The following ZFP37 variants were observed in gnomAD, a reference collection of about 807,000 sequenced individuals.
ZFP37 encodes the protein ZFP37 zinc finger protein, also known as zinc finger protein 37 homolog.
Under a neutral mutation model 52.1 loss-of-function variants are expected in ZFP37, and 38 were observed. The ratio of observed to expected loss-of-function variants is 0.73; its 90% CI spans 0.56 to 0.96. The LOEUF is 0.96. Among genes scored for constraint, ZFP37 ranks in the 40% least tolerant of loss-of-function variants. The pLI is 0.00. For missense variants in ZFP37, 695 were observed against 741.4 expected, an observed-to-expected ratio of 0.94 and a Z score of 0.73; for synonymous variants, 253 against 259.5, an observed-to-expected ratio of 0.98 and a Z score of 0.24.
intron 1 of ZFP37, among the ~76,000 whole-genome samples, chr9:113,053,940 A>T (rs760665370): frequency 3.3e-5 from 5 of 152,166 alleles, no homozygotes; most frequent in Non-Finnish European, 7.4e-5. Flanking sequence ...GAGTTGTCTT[A>T]ATATCATTCA....
At chr9:113,054,658 T>C (rs1223195263) in intron 1 of ZFP37, among the ~76,000 whole-genome samples, 4 of 152,142 alleles carry the variant, frequency 2.6e-5, no homozygotes, top group African/African-American at 9.7e-5. Flanking sequence ...ATTCAGAAAA[T>C]AGAATCACCA....
chr9:113,043,567 A>G lies in ZFP37; in HGVS notation c.1051T>C (p.Cys351Arg). ...CCATGGGCTTTGCCACACTGAATAC[A>G]TTCATATGGTTTTTCTCCGGTGTGA... is the stretch of plus-strand genomic sequence containing the variant. Reference protein sequence around the residue: ...RTHTGEKPYECIQCGKAHGHK... With the variant: ...RTHTGEKPYERIQCGKAHGHK... The change falls in exon 4 of 4, where the codon TGT becomes CGT. Residue 351 changes from cysteine to arginine, a missense_variant. Physicochemically the swap from Cys to Arg is radical, Grantham distance 180. Around this residue, in one of 2 missense-constraint regions of ZFP37, gnomAD observed 326 missense variants for 400.5 expected, o/e 0.81. Transcript: ENST00000374227. The G allele has an allele frequency of 1.2e-6, 2 of 1,614,044 alleles. No individual in the cohort carries two copies. The highest frequency in any genetic ancestry group is 1.7e-6 in the Non-Finnish European group (2 of 1,179,948).
chr9:113,051,005 A>T (rs1310102514), intron 1 of ZFP37, among the ~76,000 whole-genome samples: 3 of 152,128 alleles, frequency 2.0e-5, no homozygotes, highest in Non-Finnish European at 4.4e-5. Context: ...AAAGTTGGGG[A>T]GAAATAGAGG....
Position 113,038,867 on chromosome 9 carries a change from A to C in ZFP37, c.*3858T>G, listed in dbSNP as rs1289029351. On this transcript the variant is annotated 3_prime_UTR_variant, in exon 4 of 4. Transcript: ENST00000374227. Reference sequence around the variant, plus strand: ...GGTCATGTGACTCATTTCTGGTCAAAAGATATGAGCACATTCTTCTAGAAG... The same window carrying C: ...GGTCATGTGACTCATTTCTGGTCAACAGATATGAGCACATTCTTCTAGAAG... 1 of 152,150 alleles carries C rather than the reference A, an allele frequency of 6.6e-6. No homozygotes were observed. Among genetic ancestry groups the C allele is most frequent in the Non-Finnish European group, 1.5e-5 (1 of 68,026 alleles). The allele number at this position is 152,150 out of a possible 1,614,324, so 9.4% of individuals were successfully genotyped here. A position where few individuals can be genotyped will look rare whatever the true frequency, so the allele number is the denominator to read the frequency against.
chr9:113,048,293 G>C (rs74440969), intron 3 of ZFP37, among the ~76,000 whole-genome samples: 2 of 152,134 alleles, frequency 1.3e-5, no homozygotes, highest in Non-Finnish European at 2.9e-5. Context: ...CCTAGTGAAA[G>C]GAGAGAAACG....
rs1333549207 is a variant in ZFP37, at chr9:113,046,252, ATATC to A, written c.350-1988_350-1985del. Among the ~76,000 whole-genome samples the A allele has an allele frequency of 4.6e-5, 5 of 109,560 alleles. No homozygotes were observed. In the South Asian group the frequency reaches 7.3e-4, roughly 16 times the overall value. The allele number at this position is 109,560 out of a possible 152,430, so 71.9% of individuals were successfully genotyped here. A position where few individuals can be genotyped will look rare whatever the true frequency, so the allele number is the denominator to read the frequency against. On this transcript the variant is annotated intron_variant, in intron 3 of 3. Coordinates refer to ENST00000374227, the MANE Select transcript of ZFP37 (RefSeq NM_003408.3). ...TATCTATATATATATAGACAGATAA[ATATC>A]TATATATATACAGGCAGATATATAT...
At position 113,043,090 on chromosome 9, in the gene ZFP37, TTC is replaced by T; in HGVS notation, c.1526_1527del (p.Arg509AsnfsTer5). ...TCAAAGGGACTTTCACCTGTATGAG[TTC>T]TCATATGGTAAGTAAGAGATGAGCT... Reference protein sequence around the residue: ...GHSSSLTYHMRTHTGESPFEC... With the variant: ...GHSSSLTYHMXTHTGESPFEC... On this transcript the variant is annotated frameshift_variant, in exon 4 of 4. Transcript: ENST00000374227. LOFTEE classifies it high-confidence loss of function. The T allele has an allele frequency of 6.2e-7, 1 of 1,613,656 alleles. No individual in the cohort carries two copies. The highest frequency in any genetic ancestry group is 8.5e-7 in the Non-Finnish European group (1 of 1,179,954).
Position 113,043,626 on chromosome 9 carries a change from C to T in ZFP37, c.992G>A (p.Ser331Asn), listed in dbSNP as rs754154894. The change falls in exon 4 of 4, where the codon AGC becomes AAC. Residue 331 changes from serine (S) to asparagine (N), a missense_variant. Physicochemically the swap from Ser to Asn is conservative, Grantham distance 46. This residue lies in a region of ZFP37 where 326 missense variants were observed against 400.5 expected (regional missense o/e 0.81). Coordinates refer to ENST00000374227, the MANE Select transcript of ZFP37 (RefSeq NM_003408.3). Reference sequence around the variant, plus strand: ...ATGTACAACAAGGTGTGACTTTTGGCTAAAGGCTATCCCACATTCATTACA... The same window carrying T: ...ATGTACAACAAGGTGTGACTTTTGGTTAAAGGCTATCCCACATTCATTACA... ...YECNECGIAF[S>N]QKSHLVVHQR... The T allele has an allele frequency of 1.9e-6, 3 of 1,614,040 alleles. No individual in the cohort carries two copies. The highest frequency in any genetic ancestry group is 1.1e-5 in the South Asian group (1 of 91,072).
At position 113,049,806 on chromosome 9, in the gene ZFP37, T is replaced by G; in HGVS notation, c.199A>C (p.Asn67His). Residue 67 changes from asparagine to histidine, a missense_variant, in exon 2 of 4, where the codon AAC (asparagine) becomes CAC (histidine). By Grantham distance (68) the Asn-to-His change is moderately conservative (BLOSUM62 1). Around this residue, in one of 2 missense-constraint regions of ZFP37, gnomAD observed 369 missense variants for 340.9 expected, o/e 1.08. Transcript: ENST00000374227. The stretch of plus-strand genomic sequence containing the variant: ...TTGTTCTTACCCATTGAGGCTTGGT[T>G]GCAGTAGTTCTCCAGCATCACATCA... ...YNDVMLENYC[N>H]QASMGCQAPK... 6.2e-7 allele frequency: 1 copy of G among 1,613,992 alleles called. No homozygotes were observed. The highest frequency in any genetic ancestry group is 8.5e-7 in the Non-Finnish European group (1 of 1,179,916).
In ZFP37 at chr9:113,043,589, G is replaced by A. The variant is rs1587909543; in HGVS notation, c.1029C>T (p.His343=). The A allele has an allele frequency of 8.7e-6, 14 of 1,613,908 alleles. No individual in the cohort carries two copies. Among genetic ancestry groups the A allele is most frequent in the Non-Finnish European group, 1.1e-5 (13 of 1,179,918 alleles). ...TACATTCATATGGTTTTTCTCCGGT[G>A]TGAGTTCTCTGATGTACAACAAGGT... ...KSHLVVHQRT[H]TGEKPYECIQ... The change falls in exon 4 of 4, where the codon CAC becomes CAT. Residue 343 remains histidine (H), a synonymous_variant. Transcript: ENST00000374227.
At position 113,048,227 on chromosome 9, in the gene ZFP37, A is replaced by G. The variant is rs182695955; in HGVS notation, c.349+1135T>C. Among the ~76,000 whole-genome samples, 113 of 152,306 alleles carry G rather than the reference A, an allele frequency of 7.4e-4. 1 individual carries two copies. Among genetic ancestry groups the G allele is most frequent in the Middle Eastern group, 3.4e-3 (1 of 294 alleles). On this transcript the variant is annotated intron_variant, in intron 3 of 3. Transcript: ENST00000374227. ...GAATTCTGTGGGATTTGACTGCAGG[A>G]GTTAAGGAGAAAATGGAAATGATGA... is the stretch of plus-strand genomic sequence containing the variant.
Position 113,049,866 on chromosome 9 carries a change from T to C in ZFP37, c.139A>G (p.Lys47Glu). The change falls in exon 2 of 4, where the codon AAG becomes GAG. Residue 47 changes from lysine (K) to glutamate (E), a missense_variant. Around this residue, in one of 2 missense-constraint regions of ZFP37, gnomAD observed 369 missense variants for 340.9 expected, o/e 1.08. Transcript: ENST00000374227. ...SEPEASAAEWKQLDPAQSNLY... is the reference protein window; with the variant it reads ...SEPEASAAEWEQLDPAQSNLY... Reference sequence around the variant, plus strand: ...TTGCTCTGAGCAGGATCCAGTTGCTTCCATTCCTTCTGGGTAAAGGCCATA... The same window carrying C: ...TTGCTCTGAGCAGGATCCAGTTGCTCCCATTCCTTCTGGGTAAAGGCCATA... 11 of 1,614,022 alleles carry C rather than the reference T, an allele frequency of 6.8e-6. No homozygotes were observed. The highest frequency in any genetic ancestry group is 9.3e-6 in the Non-Finnish European group (11 of 1,179,922).
At chr9:113,053,945 C>A (rs144153997) in intron 1 of ZFP37, among the ~76,000 whole-genome samples, 18 of 152,280 alleles carry the variant, frequency 1.2e-4, no homozygotes, top group Admixed American at 1.2e-3. Flanking sequence ...GTCTTAATAT[C>A]ATTCATCTAA....
In ZFP37 at chr9:113,039,437, C is replaced by CAG. The variant is rs1554769703; in HGVS notation, c.*3287_*3288insCT. Reference sequence around the variant, plus strand: ...ATATATCCCTGGAATGCTCTTCCGTCATATATATATACATGGTTTGCTCTT... The same window carrying CAG: ...ATATATCCCTGGAATGCTCTTCCGTCAGATATATATATACATGGTTTGCTCTT... On this transcript the variant is annotated 3_prime_UTR_variant, in exon 4 of 4. Transcript: ENST00000374227. The CAG allele has an allele frequency of 6.6e-6, 1 of 151,888 alleles. No homozygotes were observed. Among genetic ancestry groups the CAG allele is most frequent in the Non-Finnish European group, 1.5e-5 (1 of 67,964 alleles). The allele number at this position is 151,888 out of a possible 1,614,324, so 9.4% of individuals were successfully genotyped here.
rs770035574 is a variant in ZFP37, at chr9:113,043,842, T to C, written c.776A>G (p.His259Arg). The change falls in exon 4 of 4, where the codon CAT becomes CGT. Residue 259 changes from histidine (H) to arginine (R), a missense_variant. By Grantham distance (29) the His-to-Arg change is conservative. Around this residue, in one of 2 missense-constraint regions of ZFP37, gnomAD observed 369 missense variants for 340.9 expected, o/e 1.08. Transcript: ENST00000374227. ...HDKLCCHSSSHIKQDKIQTGE... is the reference protein window; with the variant it reads ...HDKLCCHSSSRIKQDKIQTGE... ...AGTTTGAATTTTGTCCTGTTTAATATGGGATGAACTATGACAGCATAATTT... is the reference window on the plus strand; with the variant it reads ...AGTTTGAATTTTGTCCTGTTTAATACGGGATGAACTATGACAGCATAATTT... The C allele has an allele frequency of 6.2e-7, 1 of 1,614,116 alleles. No homozygotes were observed. The highest frequency in any genetic ancestry group is 8.5e-7 in the Non-Finnish European group (1 of 1,179,982).
intron 3 of ZFP37, among the ~76,000 whole-genome samples, chr9:113,045,996 GA>G: frequency 6.6e-6 from 1 of 152,180 alleles, no homozygotes; most frequent in South Asian, 2.1e-4. Flanking sequence ...ATTACACTGA[GA>G]AAGTGAAAAC....
chr9:113,051,329 G>A (rs1829054030), intron 1 of ZFP37, among the ~76,000 whole-genome samples: 2 of 152,104 alleles, frequency 1.3e-5, no homozygotes. Context: ...TAGGCAGGTG[G>A]GGGAGGACGG....
rs764950962 is a variant in ZFP37, at chr9:113,044,076, C to T, written c.542G>A (p.Gly181Glu). The T allele has an allele frequency of 6.2e-7, 1 of 1,608,932 alleles. No individual in the cohort carries two copies. Among genetic ancestry groups the T allele is most frequent in the Non-Finnish European group, 8.5e-7 (1 of 1,178,790 alleles). ...KKRLLKFESC[G>E]KILKQNLDLP... ...ATCTAAATTCTGTTTCAAAATTTTT[C>T]CACATGACTCAAATTTAAGAAGCCT... The change falls in exon 4 of 4, where the codon GGA (glycine) becomes GAA (glutamate). Residue 181 changes from glycine to glutamate, a missense_variant. Transcript: ENST00000374227.
intron 3 of ZFP37, among the ~76,000 whole-genome samples, chr9:113,046,229 T>TAC (rs2118696540): frequency 7.1e-6 from 1 of 141,420 alleles, no homozygotes; most frequent in African/African-American, 2.7e-5. Flanking sequence ...TAGACATATA[T>TAC]CTATATATAT....
Sources: allele counts gnomAD v4.1 joint callset (sites outside exome capture counted in the v4.1 genomes callset), GRCh38; gene constraint gnomAD v4.1.1; regional missense constraint gnomAD v4.1.1; transcripts MANE v1.5; gene names NCBI Gene and HGNC (gene_info 2026-07-23, HGNC 2026-07-21).